Variants in RHBDD1 observed in about 807,000 individuals in gnomAD.
RHBDD1 encodes rhomboid-related protein 4.
In RHBDD1, 38 loss-of-function variants were observed where a neutral mutation model predicts 36.3. The ratio of observed to expected loss-of-function variants is 1.05; its 90% CI spans 0.81 to 1.37. RHBDD1 has a LOEUF of 1.37. Among genes scored for constraint, RHBDD1 ranks in the 40% most tolerant of loss-of-function variants. The pLI is 0.00. For missense variants in RHBDD1, 393 were observed against 377.6 expected, an observed-to-expected ratio of 1.04 and a Z score of -0.34; for synonymous variants, 151 against 136.5, an observed-to-expected ratio of 1.11 and a Z score of -0.74.
intron 5 of RHBDD1, among the ~76,000 whole-genome samples, chr2:226,877,442 A>G (rs1407313717): frequency 6.6e-6 from 1 of 152,202 alleles, no homozygotes; most frequent in East Asian, 1.9e-4. Context: ...AAGTTTTCCA[A>G]AATTCTAATT....
chr2:226,854,548 C>T (rs966343155), intron 3 of RHBDD1, among the ~76,000 whole-genome samples: 6 of 146,028 alleles, frequency 4.1e-5, no homozygotes, highest in Non-Finnish European at 5.9e-5. Flanking sequence ...GAGCCAAGAT[C>T]GCAGATCGCA....
intron 8 of RHBDD1, among the ~76,000 whole-genome samples, chr2:226,925,933 T>TTG (rs1949637632): frequency 6.6e-6 from 1 of 151,750 alleles, no homozygotes; most frequent in African/African-American, 2.4e-5. Flanking sequence ...GTTTGTGTGT[T>TTG]TGTGTGTGTG....
At chr2:226,896,517 C>T (rs573606885) in intron 5 of RHBDD1, among the ~76,000 whole-genome samples, 1 of 152,196 alleles carries the variant, frequency 6.6e-6, no homozygotes, top group Non-Finnish European at 1.5e-5. Flanking sequence ...CCACCTCCTT[C>T]CAAGCTGCCA....
chr2:226,934,898 T>C (rs1950244024), intron 8 of RHBDD1, among the ~76,000 whole-genome samples: 1 of 151,916 alleles, frequency 6.6e-6, no homozygotes. Context: ...CCAGGTTAAG[T>C]TGGTGCTGGG....
At chr2:226,849,763 G>A (rs558535548) in intron 3 of RHBDD1, among the ~76,000 whole-genome samples, 2 of 152,168 alleles carry the variant, frequency 1.3e-5, no homozygotes, top group South Asian at 2.1e-4. Context: ...TATATCATCT[G>A]TATCTATATC....
chr2:226,868,949 CTT>C (rs1559213899), intron 5 of RHBDD1, among the ~76,000 whole-genome samples: 6 of 152,298 alleles, frequency 3.9e-5, no homozygotes, highest in African/African-American at 1.4e-4. Flanking sequence ...GCTCCCCTGA[CTT>C]GCTTGATGTG....
At chr2:226,895,705 A>G in intron 5 of RHBDD1, 1 of 985,272 alleles carries the variant, frequency 1.0e-6, no homozygotes, top group Non-Finnish European at 1.2e-6. Context: ...GAAGCTTAGT[A>G]ATACTGCAAA....
intron 3 of RHBDD1, among the ~76,000 whole-genome samples, chr2:226,853,194 A>G (rs2125101782): frequency 6.6e-6 from 1 of 152,326 alleles, no homozygotes; most frequent in Non-Finnish European, 1.5e-5. Flanking sequence ...TTCAAACTTC[A>G]GCTTATCCTC....
chr2:226,971,090 T>G (rs1267791790), intron 8 of RHBDD1, among the ~76,000 whole-genome samples: 1 of 152,074 alleles, frequency 6.6e-6, no homozygotes, highest in Non-Finnish European at 1.5e-5. Context: ...TCTGTTTCAT[T>G]TTGGAACCAA....
the RHBDD1 span, among the ~76,000 whole-genome samples, chr2:226,820,794 G>C: frequency 2.6e-5 from 4 of 151,958 alleles, no homozygotes; most frequent in Non-Finnish European, 5.9e-5. Context: ...ACAAGACCCT[G>C]TCACTAAAAA....
At chr2:226,854,220 A>C (rs775271841) in intron 3 of RHBDD1, among the ~76,000 whole-genome samples, 1 of 152,144 alleles carries the variant, frequency 6.6e-6, no homozygotes, top group Non-Finnish European at 1.5e-5. Flanking sequence ...TTACTCATCA[A>C]CAACTCTATG....
the RHBDD1 span, among the ~76,000 whole-genome samples, chr2:226,819,925 G>A: frequency 6.8e-6 from 1 of 147,942 alleles, no homozygotes; most frequent in East Asian, 2.0e-4. Flanking sequence ...GTAAAAACCT[G>A]TTGGTAAAAT....
At chr2:226,860,523 CCTAG>C (rs1943755558) in intron 3 of RHBDD1, among the ~76,000 whole-genome samples, 1 of 152,104 alleles carries the variant, frequency 6.6e-6, no homozygotes, top group South Asian at 2.1e-4. Flanking sequence ...CCTTGGTGTT[CCTAG>C]AGCCGTGCCT....
At chr2:226,895,643 G>A in intron 5 of RHBDD1, 1 of 984,620 alleles carries the variant, frequency 1.0e-6, no homozygotes, top group Middle Eastern at 5.2e-4. Context: ...ATTTAATTTA[G>A]GACAACCTGC....
intron 5 of RHBDD1, among the ~76,000 whole-genome samples, chr2:226,881,190 G>A (rs1460626540): frequency 6.6e-6 from 1 of 152,094 alleles, no homozygotes; most frequent in African/African-American, 2.4e-5. Context: ...AGCATGGGGG[G>A]AAACAGCCCC....
chr2:226,852,904 A>T (rs867164590), intron 3 of RHBDD1, among the ~76,000 whole-genome samples: 18 of 108,646 alleles, frequency 1.7e-4, no homozygotes, highest in African/African-American at 2.8e-4. Context: ...TGGCTAATTT[A>T]TTATTATTAT....
At chr2:226,845,725 C>G (rs1942139103) in intron 3 of RHBDD1, among the ~76,000 whole-genome samples, 2 of 152,204 alleles carry the variant, frequency 1.3e-5, no homozygotes, top group Admixed American at 1.3e-4. Flanking sequence ...TTAGAGCAGC[C>G]TGACAGCCTT....
chr2:226,937,594 G>A (rs887465433), intron 8 of RHBDD1, among the ~76,000 whole-genome samples: 1 of 151,816 alleles, frequency 6.6e-6, no homozygotes, highest in Non-Finnish European at 1.5e-5. Context: ...TCTTCCTCTT[G>A]CCCTCCACCC....
chr2:226,831,364 C>A (rs1043557199), upstream of RHBDD1, among the ~76,000 whole-genome samples: 3 of 152,160 alleles, frequency 2.0e-5, no homozygotes, highest in African/African-American at 7.2e-5. Flanking sequence ...ACCCCCAGTA[C>A]CTTAGAATAC....
Sources: allele counts gnomAD v4.1 joint callset (sites outside exome capture counted in the v4.1 genomes callset), GRCh38; gene constraint gnomAD v4.1.1; transcripts MANE v1.5; gene names NCBI Gene and HGNC (gene_info 2026-07-23, HGNC 2026-07-21).